The following TENM1 variants were observed in gnomAD, a reference collection of about 807,000 sequenced individuals.
The protein encoded by TENM1 is teneurin transmembrane protein 1, also known as teneurin-1.
In TENM1, 35 loss-of-function variants were observed where a neutral mutation model predicts 174.8. The ratio of observed to expected loss-of-function variants is 0.20; its 90% CI spans 0.15 to 0.27. The LOEUF (loss-of-function observed/expected upper bound fraction) is 0.27. Ranked by LOEUF, TENM1 falls within the 10% of genes least tolerant of loss-of-function variation. TENM1 has a pLI of 1.00. For missense variants in TENM1, 1,633 were observed against 2,130.1 expected, an observed-to-expected ratio of 0.77 and a Z score of 4.59; for synonymous variants, 781 against 798.7, an observed-to-expected ratio of 0.98 and a Z score of 0.37.
At chrX:124,462,433 G>C (rs1016719809) in intron 22 of TENM1, among the ~76,000 whole-genome samples, 2 of 96,905 alleles carry the variant, frequency 2.1e-5, no homozygotes, top group Non-Finnish European at 2.0e-5. Context: ...TGTGTGTGTG[G>C]GGGGGGTGGG....
chrX:124,401,763 G>A (rs2060403421), intron 27 of TENM1, among the ~76,000 whole-genome samples: 1 of 111,614 alleles, frequency 9.0e-6, no homozygotes, highest in Non-Finnish European at 1.9e-5. Context: ...GGAAATTGAG[G>A]CATCAGCATA....
At chrX:124,985,647 C>A in the TENM1 span, among the ~76,000 whole-genome samples, 2 of 111,711 alleles carry the variant, frequency 1.8e-5, no homozygotes, top group East Asian at 5.6e-4. Flanking sequence ...TAATATGTAA[C>A]CTGTACCTCA....
intron 3 of TENM1, among the ~76,000 whole-genome samples, chrX:124,760,935 C>G (rs916179602): frequency 8.9e-6 from 1 of 112,065 alleles, no homozygotes; most frequent in African/African-American, 3.2e-5. Flanking sequence ...CCAATAGACA[C>G]ATGAAAAAAT....
chrX:125,081,639 G>A, the TENM1 span, among the ~76,000 whole-genome samples: 1,560 of 111,116 alleles, frequency 0.014, 29 homozygotes, highest in African/African-American at 0.047. Flanking sequence ...ATTGGAGCCA[G>A]CAATCCCACT....
intron 1 of TENM1, among the ~76,000 whole-genome samples, chrX:124,918,298 G>A (rs2057961474): frequency 1.8e-5 from 2 of 109,743 alleles, no homozygotes; most frequent in African/African-American, 6.7e-5. Flanking sequence ...TCCAGCTTCA[G>A]CCTCCAGAGT....
At chrX:124,973,414 A>C in the TENM1 span, among the ~76,000 whole-genome samples, 2 of 111,629 alleles carry the variant, frequency 1.8e-5, no homozygotes, top group African/African-American at 6.5e-5. Flanking sequence ...AAGAAATTTA[A>C]AGTAGTTTTT....
At chrX:124,561,557 C>T in intron 14 of TENM1, 114 bp downstream of exon 17, 1 of 833,941 alleles carries the variant, frequency 1.2e-6, no homozygotes, top group Non-Finnish European at 1.7e-6. Context: ...CCCTATATAA[C>T]TCAGTATCAT....
chrX:124,650,582 T>C (rs1343941870), intron 8 of TENM1, among the ~76,000 whole-genome samples: 3 of 111,577 alleles, frequency 2.7e-5, no homozygotes, highest in African/African-American at 6.5e-5. Context: ...GTAAGAATAA[T>C]AGGAAGACAG....
the TENM1 span, among the ~76,000 whole-genome samples, chrX:125,181,183 G>A: frequency 8.9e-6 from 1 of 111,959 alleles, no homozygotes; most frequent in African/African-American, 3.2e-5. Flanking sequence ...ACAACTCTGT[G>A]AGGTATAATT....
At chrX:125,150,931 G>A in the TENM1 span, among the ~76,000 whole-genome samples, 2 of 112,314 alleles carry the variant, frequency 1.8e-5, no homozygotes, top group South Asian at 7.3e-4. Flanking sequence ...CTATTAAAAG[G>A]CTTTTAGCAG....
the TENM1 span, among the ~76,000 whole-genome samples, chrX:124,987,126 T>C: frequency 2.7e-5 from 3 of 111,748 alleles, no homozygotes; most frequent in Admixed American, 9.6e-5. Flanking sequence ...CCTTTAGCTC[T>C]CAATAATTTA....
chrX:124,616,467 T>C (rs2050401045), intron 11 of TENM1, among the ~76,000 whole-genome samples: 1 of 112,412 alleles, frequency 8.9e-6, no homozygotes, highest in African/African-American at 3.2e-5. Context: ...AGACTCCCTG[T>C]ATTAGGCTTT....
chrX:125,129,765 A>G, the TENM1 span, among the ~76,000 whole-genome samples: 2 of 111,300 alleles, frequency 1.8e-5, no homozygotes, highest in African/African-American at 6.5e-5. Context: ...TGTTCCTGCA[A>G]ATGACAGGAT....
rs758673194 is a variant in TENM1, at chrX:124,822,371, GC to G, written c.535+71924del. Among the ~76,000 whole-genome samples, 10 of 112,034 alleles carry G rather than the reference GC, an allele frequency of 8.9e-5. No individual in the cohort carries two copies. In the East Asian group the frequency reaches 2.5e-3, roughly 28 times the overall value. ...TGTGTCATTTCGTTACAGCAACTAA[GC>G]TTTTTACTCTAACAAATGTAGCTAA... On this transcript the variant is annotated intron_variant, in intron 3 of 31. Transcript: ENST00000422452.
intron 3 of TENM1, among the ~76,000 whole-genome samples, chrX:124,864,332 ACT>A (rs1355412173): frequency 8.9e-6 from 1 of 112,055 alleles, no homozygotes; most frequent in Non-Finnish European, 1.9e-5. Context: ...TGTTGAGGAA[ACT>A]CAAAGAAATT....
chrX:124,761,765 A>G lies in TENM1; in HGVS notation c.536-24568T>C, dbSNP rs563597219. On this transcript the variant is annotated intron_variant, in intron 3 of 31. Coordinates refer to ENST00000422452, the Ensembl canonical transcript of TENM1. Reference sequence around the variant, plus strand: ...TGTAGCATGTTTTTCTAAGAAATGCATTTGGAGATCTTTCCACGTATGTAC... The same window carrying G: ...TGTAGCATGTTTTTCTAAGAAATGCGTTTGGAGATCTTTCCACGTATGTAC... Among the ~76,000 whole-genome samples, 18 of 111,656 alleles carry G rather than the reference A, an allele frequency of 1.6e-4. No homozygotes were observed. The South Asian group carries it at 6.8e-3, about 42-fold the overall frequency.
chrX:124,793,678 G>GC (rs1184815475), intron 3 of TENM1, among the ~76,000 whole-genome samples: 1 of 111,246 alleles, frequency 9.0e-6, no homozygotes, highest in East Asian at 2.8e-4. Flanking sequence ...TGCAAAAGTG[G>GC]CCAAACGCAT....
At chrX:125,002,822 C>G in the TENM1 span, among the ~76,000 whole-genome samples, 1 of 111,550 alleles carries the variant, frequency 9.0e-6, no homozygotes, top group Non-Finnish European at 1.9e-5. Flanking sequence ...CAGCAACTGC[C>G]AGATAAAGAC....
At chrX:125,108,635 T>C in the TENM1 span, among the ~76,000 whole-genome samples, 5 of 108,951 alleles carry the variant, frequency 4.6e-5, no homozygotes, top group African/African-American at 1.7e-4. Context: ...AGGCAGAGGT[T>C]GCAGTGAGCC....
Sources: allele counts gnomAD v4.1 joint callset (sites outside exome capture counted in the v4.1 genomes callset), GRCh38; gene constraint gnomAD v4.1.1; transcripts MANE v1.5; gene names NCBI Gene and HGNC (gene_info 2026-07-23, HGNC 2026-07-21).